Variants in GRM8 observed in about 807,000 individuals in gnomAD.
The protein encoded by GRM8 is glutamate metabotropic receptor 8.
In GRM8, 47 loss-of-function variants were observed where a neutral mutation model predicts 87.2. The ratio of observed to expected loss-of-function variants is 0.54; its 90% CI spans 0.43 to 0.69. GRM8 has a LOEUF of 0.69. Ranked by LOEUF, GRM8 falls within the 30% of genes least tolerant of loss-of-function variation. The probability of loss-of-function intolerance (pLI) is 0.00; values close to 1 mark genes in which losing one functional copy is unlikely to be tolerated. For synonymous variants in GRM8, 396 were observed against 404.5 expected, an observed-to-expected ratio of 0.98 and a Z score of 0.25; for missense variants, 1,019 against 1,139.2, an observed-to-expected ratio of 0.89 and a Z score of 1.52.
At chr7:127,110,384 C>T (rs1443016266) in intron 2 of GRM8, among the ~76,000 whole-genome samples, 2 of 152,174 alleles carry the variant, frequency 1.3e-5, no homozygotes, top group Non-Finnish European at 2.9e-5. Flanking sequence ...GCCTTCTCTA[C>T]CACTGTCCCT....
chr7:126,613,738 C>A (rs6961313), intron 7 of GRM8, among the ~76,000 whole-genome samples: 2 of 152,232 alleles, frequency 1.3e-5, no homozygotes, highest in African/African-American at 2.4e-5. Flanking sequence ...ATATCCCACA[C>A]CTGGCTCAGA....
intron 3 of GRM8, among the ~76,000 whole-genome samples, chr7:127,025,919 G>A (rs926181465): frequency 1.3e-5 from 2 of 151,958 alleles, no homozygotes; most frequent in African/African-American, 4.8e-5. Context: ...TGTTACATAG[G>A]TATACATGTA....
At chr7:126,672,608 C>G (rs1459418544) in intron 7 of GRM8, among the ~76,000 whole-genome samples, 1 of 152,164 alleles carries the variant, frequency 6.6e-6, no homozygotes, top group Non-Finnish European at 1.5e-5. Context: ...GGCTCAGGAT[C>G]AAGCTCAGCG....
chr7:127,051,749 A>G (rs893169457), intron 3 of GRM8, among the ~76,000 whole-genome samples: 5 of 149,818 alleles, frequency 3.3e-5, no homozygotes, highest in Non-Finnish European at 4.4e-5. Context: ...CAAAAAAAAA[A>G]AAAAAAAAAA....
At chr7:126,758,424 G>A (rs941457042) in intron 7 of GRM8, among the ~76,000 whole-genome samples, 3 of 152,118 alleles carry the variant, frequency 2.0e-5, no homozygotes, top group African/African-American at 7.2e-5. Context: ...TAGGATATGA[G>A]CTCATGTCTG....
intron 6 of GRM8, among the ~76,000 whole-genome samples, chr7:126,896,301 G>A (rs569668540): frequency 4.6e-5 from 7 of 151,790 alleles, no homozygotes; most frequent in Non-Finnish European, 8.8e-5. Context: ...TTTTACTTGC[G>A]AAGAACAAGA....
chr7:126,609,391 C>T lies in GRM8; in HGVS notation c.1465G>A (p.Gly489Ser), dbSNP rs1397461316. Residue 489 changes from glycine to serine, a missense_variant, in exon 8 of 11, where the codon GGC (glycine) becomes AGC (serine). Gly to Ser is a moderately conservative substitution (Grantham distance 56). Transcript: ENST00000339582. ...TNKSTEYKVI[G>S]HWTNQLHLKV... Reference sequence around the variant, plus strand: ...AGATGAAGCTGATTGGTCCAGTGGCCGATGACTTTGTACTCTGTGCTTTTG... The same window carrying T: ...AGATGAAGCTGATTGGTCCAGTGGCTGATGACTTTGTACTCTGTGCTTTTG... 1.9e-6 allele frequency: 3 copies of T among 1,613,450 alleles called. No individual in the cohort carries two copies. The highest frequency in any genetic ancestry group is 2.2e-5 in the East Asian group (1 of 44,868).
chr7:127,163,426 T>C (rs1793242105), intron 2 of GRM8, among the ~76,000 whole-genome samples: 1 of 152,204 alleles, frequency 6.6e-6, no homozygotes, highest in African/African-American at 2.4e-5. Flanking sequence ...AGAACTCTCC[T>C]ACAAATACAA....
At chr7:126,609,290 T>C in intron 8 of GRM8, 72 bp downstream of exon 8, 1 of 1,154,914 alleles carries the variant, frequency 8.7e-7, no homozygotes. Context: ...CTAGCAAAAG[T>C]TATACACTTA....
Position 126,678,295 on chromosome 7 carries a change from T to C in GRM8, c.1358-68797A>G, listed in dbSNP as rs1350130710. Among the ~76,000 whole-genome samples the C allele has an allele frequency of 2.0e-5, 3 of 152,208 alleles. No individual in the cohort carries two copies. The East Asian group carries it at 5.8e-4, about 29-fold the overall frequency. ...GACATACCTGGTTTATGTTTAATAGTTGATAAGTAGATATAGACTAGTGTT... is the reference window on the plus strand; with the variant it reads ...GACATACCTGGTTTATGTTTAATAGCTGATAAGTAGATATAGACTAGTGTT... On this transcript the variant is annotated intron_variant, in intron 7 of 10. Transcript: ENST00000339582.
At chr7:127,007,360 A>G (rs1257224428) in intron 3 of GRM8, among the ~76,000 whole-genome samples, 1 of 151,926 alleles carries the variant, frequency 6.6e-6, no homozygotes, top group Non-Finnish European at 1.5e-5. Context: ...GTAAAAATAT[A>G]AGGGTTTCTA....
At chr7:127,043,401 G>A (rs1818617382) in intron 3 of GRM8, among the ~76,000 whole-genome samples, 1 of 152,226 alleles carries the variant, frequency 6.6e-6, no homozygotes, top group Non-Finnish European at 1.5e-5. Context: ...TTAAGAAAAT[G>A]TGGCACATAT....
At chr7:126,553,882 C>A (rs1365803154) in intron 8 of GRM8, among the ~76,000 whole-genome samples, 1 of 152,090 alleles carries the variant, frequency 6.6e-6, no homozygotes, top group East Asian at 1.9e-4. Flanking sequence ...AAGCTGAAGG[C>A]ATTTTGGATT....
At chr7:126,528,816 T>C (rs1447490397) in intron 9 of GRM8, among the ~76,000 whole-genome samples, 1 of 152,138 alleles carries the variant, frequency 6.6e-6, no homozygotes, top group Non-Finnish European at 1.5e-5. Flanking sequence ...CACCTATAGA[T>C]ACATAGCCAC....
chr7:127,208,320 A>G lies in GRM8; in HGVS notation c.510+34375T>C, dbSNP rs1020512855. Among the ~76,000 whole-genome samples the G allele has an allele frequency of 1.2e-4, 19 of 152,138 alleles. 1 individual carries two copies. The highest frequency in any genetic ancestry group is 9.8e-4 in the Admixed American group (15 of 15,266). On this transcript the variant is annotated intron_variant, in intron 2 of 10. Coordinates refer to ENST00000339582, the MANE Select transcript of GRM8 (RefSeq NM_000845.3). ...TTATTCATAGCTCCTCCTGTAACCT[A>G]TTGAATATGTATACTTGGCCAACCT...
At chr7:126,694,817 G>A (rs773722740) in intron 7 of GRM8, among the ~76,000 whole-genome samples, 1 of 152,146 alleles carries the variant, frequency 6.6e-6, no homozygotes, top group Admixed American at 6.5e-5. Context: ...GAGGCTCCTT[G>A]TCTGGACTAG....
chr7:126,948,951 T>C lies in GRM8; in HGVS notation c.728-44268A>G, dbSNP rs28760315. ...CTAAGGTAGTAAATATTCTAACAGA[T>C]ATAGGTTAAATTTCAACAGGTGGTT... On this transcript the variant is annotated intron_variant, in intron 3 of 10. Transcript: ENST00000339582. Among the ~76,000 whole-genome samples, 1,089 of 152,314 alleles carry C rather than the reference T, an allele frequency of 7.1e-3. 14 individuals are homozygous for C. The highest frequency in any genetic ancestry group is 0.025 in the African/African-American group (1,025 of 41,554).
intron 2 of GRM8, among the ~76,000 whole-genome samples, chr7:127,219,204 C>A (rs745772590): frequency 2.0e-5 from 3 of 151,938 alleles, no homozygotes; most frequent in Non-Finnish European, 4.4e-5. Flanking sequence ...ATGGTGATAT[C>A]TGTATCTGTC....
chr7:126,497,134 A>G (rs1808880046), intron 9 of GRM8, among the ~76,000 whole-genome samples: 1 of 151,866 alleles, frequency 6.6e-6, no homozygotes, highest in African/African-American at 2.4e-5. Context: ...GCGTGTGGAT[A>G]GAATGCAGAG....
Sources: allele counts gnomAD v4.1 joint callset (sites outside exome capture counted in the v4.1 genomes callset), GRCh38; gene constraint gnomAD v4.1.1; transcripts MANE v1.5; gene names NCBI Gene and HGNC (gene_info 2026-07-23, HGNC 2026-07-21).